Variants in SMARCAD1 observed in about 807,000 individuals in gnomAD.
SMARCAD1 encodes the protein SWI/SNF-related matrix-associated actin-dependent regulator of chromatin subfamily A containing DEAD/H box 1.
SMARCAD1 carries 25 observed loss-of-function variants against 127.1 expected under a neutral mutation model. That is an observed-to-expected ratio of 0.20 (90% confidence interval 0.14 to 0.27). The LOEUF is 0.27. Ranked by LOEUF, SMARCAD1 falls within the 10% of genes least tolerant of loss-of-function variation. The pLI is 1.00. For synonymous variants in SMARCAD1, 400 were observed against 396.9 expected (o/e 1.01, Z -0.09); for missense variants, 807 against 1,206.0 (o/e 0.67, Z 4.90).
At chr4:94,280,467 C>A in intron 19 of SMARCAD1, 125 bp from the exon 20 acceptor site, 1 of 823,274 alleles carries the variant, frequency 1.2e-6, no homozygotes, top group Non-Finnish European at 1.9e-6. Context: ...CTTGATAAGT[C>A]TGTTACACTA....
intron 9 of SMARCAD1, among the ~76,000 whole-genome samples, chr4:94,263,109 C>T (rs965523872): frequency 9.2e-5 from 14 of 151,932 alleles, no homozygotes; most frequent in African/African-American, 2.9e-4. Context: ...GTAGTTGTTA[C>T]GAGGATTTAA....
upstream of SMARCAD1, chr4:94,207,724 G>C (rs184867482): frequency 6.5e-5 from 12 of 183,726 alleles, no homozygotes; most frequent in East Asian, 1.8e-3. Context: ...ATAGCACTGA[G>C]GCTACAAGAT....
chr4:94,267,017 A>C (rs1751824054), intron 10 of SMARCAD1, among the ~76,000 whole-genome samples: 1 of 152,142 alleles, frequency 6.6e-6, no homozygotes, highest in African/African-American at 2.4e-5. Context: ...CTCCTGTTTT[A>C]TTCTTACTAT....
chr4:94,226,032 T>C (rs1192388506), intron 2 of SMARCAD1, 87 bp from the exon 3 acceptor site: 5 of 1,121,774 alleles, frequency 4.5e-6, no homozygotes, highest in Non-Finnish European at 6.4e-6. Context: ...ATGAATGAAA[T>C]TTGAGATTTT....
At chr4:94,215,444 G>GACCCTGTCTCTACAAAAAAT (rs1371568884) in intron 2 of SMARCAD1, among the ~76,000 whole-genome samples, 8 of 152,028 alleles carry the variant, frequency 5.3e-5, no homozygotes, top group Non-Finnish European at 1.2e-4. Context: ...AATGTAGTGA[G>GACCCTGTCTCTACAAAAAAT]ACCCTGTCTC....
At chr4:94,213,749 A>G (rs1742676388) in intron 2 of SMARCAD1, among the ~76,000 whole-genome samples, 2 of 152,156 alleles carry the variant, frequency 1.3e-5, no homozygotes, top group Non-Finnish European at 2.9e-5. Flanking sequence ...TGGAGGATTG[A>G]CACCATGGAC....
chr4:94,244,770 AC>A (rs1248757411), intron 6 of SMARCAD1, among the ~76,000 whole-genome samples: 1 of 149,272 alleles, frequency 6.7e-6, no homozygotes, highest in African/African-American at 2.5e-5. Context: ...AAAAAAAAAA[AC>A]TTAACTTTAA....
At chr4:94,216,030 T>G (rs1743116636) in intron 2 of SMARCAD1, among the ~76,000 whole-genome samples, 1 of 152,166 alleles carries the variant, frequency 6.6e-6, no homozygotes. Context: ...CTCTTGGCAA[T>G]TCTGGAGGCT....
intron 6 of SMARCAD1, among the ~76,000 whole-genome samples, chr4:94,245,221 C>T (rs1010623804): frequency 2.0e-5 from 3 of 152,172 alleles, no homozygotes; most frequent in Non-Finnish European, 4.4e-5. Context: ...AGGGTCCTGT[C>T]CTGATGATCT....
In SMARCAD1 at chr4:94,290,531, G is replaced by GA. The variant is rs1443421481; in HGVS notation, c.*1000dup. On this transcript the variant is annotated 3_prime_UTR_variant, in exon 24 of 24. Transcript: ENST00000354268. ...CTGCATGGAAATAGGTCATTAACTT[G>GA]AAACTCTTATCAAAATATATTTTAC... The GA allele has an allele frequency of 6.6e-6, 3 of 454,440 alleles. No individual in the cohort carries two copies. The highest frequency in any genetic ancestry group is 1.3e-5 in the Non-Finnish European group (3 of 226,740). 28.2% of individuals were successfully genotyped at this position (454,440 alleles called of 1,614,324 possible).
chr4:94,226,388 C>CTTT (rs780838480), intron 3 of SMARCAD1, 92 bp downstream of exon 3: 197 of 650,698 alleles, frequency 3.0e-4, no homozygotes, highest in South Asian at 4.4e-4. Flanking sequence ...GGTGACTTCC[C>CTTT]TTTTTTTTTT....
intron 14 of SMARCAD1, among the ~76,000 whole-genome samples, chr4:94,275,228 AT>A (rs1402552327): frequency 6.6e-6 from 1 of 152,164 alleles, no homozygotes; most frequent in Non-Finnish European, 1.5e-5. Flanking sequence ...TGTAATAGTA[AT>A]TTCTCAGTTA....
intron 12 of SMARCAD1, among the ~76,000 whole-genome samples, chr4:94,274,299 C>T (rs955406428): frequency 5.3e-5 from 8 of 151,980 alleles, no homozygotes; most frequent in African/African-American, 9.7e-5. Context: ...TAAAAACAAT[C>T]GCCATGGTAT....
intron 3 of SMARCAD1, among the ~76,000 whole-genome samples, chr4:94,231,278 T>G (rs1042512782): frequency 3.3e-5 from 5 of 152,144 alleles, no homozygotes; most frequent in African/African-American, 1.2e-4. Flanking sequence ...AGGAAGAGCT[T>G]ATGAAGAGAG....
intron 2 of SMARCAD1, among the ~76,000 whole-genome samples, chr4:94,225,459 A>G (rs1280330114): frequency 3.3e-5 from 5 of 152,190 alleles, no homozygotes; most frequent in Non-Finnish European, 7.3e-5. Context: ...ATCTCCAAAT[A>G]TAGTCACAAA....
rs200143335 is a variant in SMARCAD1, at chr4:94,208,407, A to G, written c.13A>G (p.Asn5Asp). MNLF[N>D]LDRFRFEKRN... ...GCTTTCTACCAATATGAATCTTTTC[A>G]ACCTGGACCGTTTTCGCTTTGAGAA... The change falls in exon 2 of 24, where the codon AAC (asparagine) becomes GAC (aspartate). Residue 5 changes from asparagine to aspartate, a missense_variant. This residue lies in a region of SMARCAD1 where 175 missense variants were observed against 169.5 expected (regional missense o/e 1.03). Coordinates refer to ENST00000354268, the MANE Select transcript of SMARCAD1 (RefSeq NM_020159.5). The G allele has an allele frequency of 8.1e-6, 13 of 1,613,932 alleles. No homozygotes were observed. Among genetic ancestry groups the G allele is most frequent in the Non-Finnish European group, 1.1e-5 (13 of 1,180,034 alleles).
At chr4:94,234,848 G>C (rs1046552381) in intron 4 of SMARCAD1, among the ~76,000 whole-genome samples, 2 of 152,126 alleles carry the variant, frequency 1.3e-5, no homozygotes, top group Non-Finnish European at 2.9e-5. Context: ...TGAGGCTTAG[G>C]AGTTACCATA....
chr4:94,250,413 C>T (rs1425532225), intron 7 of SMARCAD1, among the ~76,000 whole-genome samples: 2 of 152,062 alleles, frequency 1.3e-5, no homozygotes, highest in Admixed American at 6.6e-5. Context: ...GTTGAAACTA[C>T]GTTTTGAAGT....
Position 94,249,774 on chromosome 4 carries a change from AAATTT to A in SMARCAD1, c.807+23_807+27del. The A allele has an allele frequency of 7.4e-7, 1 of 1,352,756 alleles. No homozygotes were observed. The highest frequency in any genetic ancestry group is 1.1e-6 in the Non-Finnish European group (1 of 942,274). The allele number at this position is 1,352,756 out of a possible 1,614,324, so 83.8% of individuals were successfully genotyped here. On this transcript the variant is annotated intron_variant, in intron 7 of 23. Transcript: ENST00000354268. ...TAAACAGGTGAGTAGTCGTGTATGA[AAATTT>A]AATCAGTGTGTACTAAGTGTTTTTA...
Sources: allele counts gnomAD v4.1 joint callset (sites outside exome capture counted in the v4.1 genomes callset), GRCh38; gene constraint gnomAD v4.1.1; regional missense constraint gnomAD v4.1.1; transcripts MANE v1.5; gene names NCBI Gene and HGNC (gene_info 2026-07-23, HGNC 2026-07-21).